The following RAD51B variants were observed in gnomAD, a reference collection of about 807,000 sequenced individuals.
RAD51B encodes the protein DNA repair protein RAD51 homolog 2.
In RAD51B, 38 loss-of-function variants were observed where a neutral mutation model predicts 42.2. The ratio of observed to expected loss-of-function variants is 0.90; its 90% CI spans 0.70 to 1.18. The LOEUF (loss-of-function observed/expected upper bound fraction) is 1.18. Among genes scored for constraint, RAD51B ranks in the 50% most tolerant of loss-of-function variants. The pLI is 0.00. For missense variants in RAD51B, 373 were observed against 400.7 expected (o/e 0.93, Z 0.59); for synonymous variants, 154 against 145.2 (o/e 1.06, Z -0.43).
intron 7 of RAD51B, among the ~76,000 whole-genome samples, chr14:67,952,483 A>G (rs1362172469): frequency 1.3e-5 from 2 of 152,206 alleles, no homozygotes; most frequent in Non-Finnish European, 2.9e-5. Context: ...TTAGTAACAT[A>G]TCATTGCAAT....
intron 7 of RAD51B, among the ~76,000 whole-genome samples, chr14:68,191,824 C>T (rs2140906788): frequency 6.6e-6 from 1 of 152,294 alleles, no homozygotes; most frequent in South Asian, 2.1e-4. Flanking sequence ...ATCTAGAGAG[C>T]ACTTACTTGC....
chr14:68,185,084 G>A (rs2079130958), intron 7 of RAD51B, among the ~76,000 whole-genome samples: 1 of 152,034 alleles, frequency 6.6e-6, no homozygotes, highest in South Asian at 2.1e-4. Context: ...TTTATGCACT[G>A]GGAGTGTACT....
At chr14:67,982,808 C>G (rs1052671995) in intron 7 of RAD51B, among the ~76,000 whole-genome samples, 1 of 151,852 alleles carries the variant, frequency 6.6e-6, no homozygotes, top group East Asian at 1.9e-4. Flanking sequence ...CCTTTAATCC[C>G]AGGATTAATC....
intron 7 of RAD51B, among the ~76,000 whole-genome samples, chr14:67,942,828 A>G (rs1402945577): frequency 7.9e-5 from 12 of 152,208 alleles, no homozygotes; most frequent in Admixed American, 7.2e-4. Flanking sequence ...ACTTAAAAAT[A>G]TGATGTCTGA....
At chr14:67,942,221 T>C (rs1464320113) in intron 7 of RAD51B, among the ~76,000 whole-genome samples, 5 of 152,326 alleles carry the variant, frequency 3.3e-5, no homozygotes, top group African/African-American at 1.2e-4. Flanking sequence ...GCAGTGTGCT[T>C]GGATGAGACA....
At chr14:67,926,603 C>T (rs1270962712) in intron 7 of RAD51B, among the ~76,000 whole-genome samples, 6 of 118,288 alleles carry the variant, frequency 5.1e-5, no homozygotes, top group South Asian at 2.8e-4. Context: ...CTTGGTCTGT[C>T]GCCACACTGG....
chr14:68,444,837 T>C (rs1956533), intron 9 of RAD51B, among the ~76,000 whole-genome samples: 80,822 of 151,996 alleles, frequency 0.53, 21,624 homozygotes, highest in African/African-American at 0.55. Flanking sequence ...TACCCCTTAA[T>C]AATGAGACAG....
chr14:68,062,664 C>T (rs1348585856), intron 7 of RAD51B, among the ~76,000 whole-genome samples: 1 of 151,828 alleles, frequency 6.6e-6, no homozygotes, highest in Non-Finnish European at 1.5e-5. Flanking sequence ...AAAAAATTAG[C>T]TGGCCATGGT....
chr14:68,410,943 G>T (rs942142479), intron 8 of RAD51B, among the ~76,000 whole-genome samples: 1 of 151,872 alleles, frequency 6.6e-6, no homozygotes, highest in African/African-American at 2.4e-5. Flanking sequence ...TGTGTATACG[G>T]GGGGGTGGGA....
At chr14:67,834,108 A>G (rs2041149831) in intron 3 of RAD51B, among the ~76,000 whole-genome samples, 1 of 152,174 alleles carries the variant, frequency 6.6e-6, no homozygotes. Flanking sequence ...CAGAGGTTCT[A>G]GGGGATTATC....
At chr14:68,432,001 G>T (rs866325455) in intron 9 of RAD51B, among the ~76,000 whole-genome samples, 2 of 152,058 alleles carry the variant, frequency 1.3e-5, no homozygotes, top group Non-Finnish European at 2.9e-5. Flanking sequence ...CCTTCATTTC[G>T]TTATGTACCC....
chr14:67,927,414 A>G (rs1165324895), intron 7 of RAD51B, among the ~76,000 whole-genome samples: 1 of 151,438 alleles, frequency 6.6e-6, no homozygotes, highest in East Asian at 2.0e-4. Context: ...GTGGTCTGCT[A>G]TCAAACATTA....
At chr14:68,616,338 A>G (rs1325878169), downstream of RAD51B, among the ~76,000 whole-genome samples, 8 of 152,138 alleles carry the variant, frequency 5.3e-5, no homozygotes, top group Non-Finnish European at 8.8e-5. Context: ...ATTTATCTCA[A>G]AAAGTCTTCA....
chr14:67,931,881 T>G (rs1227741459), intron 7 of RAD51B, among the ~76,000 whole-genome samples: 3 of 152,222 alleles, frequency 2.0e-5, no homozygotes, highest in South Asian at 2.1e-4. Context: ...CATAGTTCTT[T>G]GCTTTTTCAT....
At chr14:67,922,441 C>T (rs943832999) in intron 7 of RAD51B, among the ~76,000 whole-genome samples, 1 of 152,036 alleles carries the variant, frequency 6.6e-6, no homozygotes, top group Non-Finnish European at 1.5e-5. Context: ...AGAAGAAAAC[C>T]TAACAGGTTT....
Position 68,477,972 on chromosome 14 carries a change from A to G in RAD51B, c.*308A>G, listed in dbSNP as rs1280602286. On this transcript the variant is annotated 3_prime_UTR_variant, in exon 11 of 11. Transcript: ENST00000471583. ...ATAGCACCTTTCAACCAGGCACCTC[A>G]AAGCGGTTTAACCACATTAATTAAT... The G allele has an allele frequency of 8.6e-6, 10 of 1,159,360 alleles. No homozygotes were observed. The highest frequency in any genetic ancestry group is 8.5e-6 in the Non-Finnish European group (8 of 940,820). The allele number at this position is 1,159,360 out of a possible 1,614,324, so 71.8% of individuals were successfully genotyped here.
At chr14:68,247,274 G>A (rs1435317509) in intron 7 of RAD51B, among the ~76,000 whole-genome samples, 1 of 151,454 alleles carries the variant, frequency 6.6e-6, no homozygotes, top group East Asian at 1.9e-4. Context: ...AAAAATGTAT[G>A]TAACTTGTAG....
chr14:68,586,986 G>A (rs543792138), intron 10 of RAD51B, among the ~76,000 whole-genome samples: 136 of 151,526 alleles, frequency 9.0e-4, no homozygotes, highest in African/African-American at 3.0e-3. Flanking sequence ...CCGAGATCGC[G>A]CCATTGTACT....
At chr14:68,205,537 T>C (rs2079567458) in intron 7 of RAD51B, among the ~76,000 whole-genome samples, 1 of 152,142 alleles carries the variant, frequency 6.6e-6, no homozygotes, top group African/African-American at 2.4e-5. Context: ...TAGAGACAGC[T>C]TGTTTGGGGG....
Sources: gnomAD v4.1 joint callset for allele counts (sites outside exome capture counted in the v4.1 genomes callset) on GRCh38, gnomAD v4.1.1 for gene constraint, MANE v1.5 for transcripts, NCBI Gene and HGNC (gene_info 2026-07-23, HGNC 2026-07-21) for gene names.